The following ADK variants were observed in gnomAD, a reference collection of about 807,000 sequenced individuals.
ADK encodes the protein N6,N6-dimethyladenosine kinase.
Under a neutral mutation model 44.7 loss-of-function variants are expected in ADK, and 24 were observed. The ratio of observed to expected loss-of-function variants is 0.54; its 90% CI spans 0.39 to 0.76. The LOEUF (loss-of-function observed/expected upper bound fraction) is 0.76, where lower values mean the gene tolerates loss of function less well. Among genes scored for constraint, ADK ranks in the 30% least tolerant of loss-of-function variants. ADK has a pLI of 0.00. For missense variants in ADK, 321 were observed against 425.1 expected (o/e 0.76, Z 2.15); for synonymous variants, 128 against 142.6 (o/e 0.90, Z 0.73).
At chr10:74,699,013 A>AT (rs529911090) in intron 10 of ADK, among the ~76,000 whole-genome samples, 14,359 of 139,984 alleles carry the variant, frequency 0.1, 1,328 homozygotes, top group African/African-American at 0.24. Flanking sequence ...CGCCCAGCTA[A>AT]TTTTTTTTTT....
intron 4 of ADK, among the ~76,000 whole-genome samples, chr10:74,360,018 C>G (rs1305368945): frequency 6.6e-6 from 1 of 152,064 alleles, no homozygotes; most frequent in Admixed American, 6.6e-5. Context: ...AATTCACTTA[C>G]CAGTTCTAAT....
At chr10:74,421,810 G>C (rs1844565755) in intron 6 of ADK, among the ~76,000 whole-genome samples, 2 of 152,174 alleles carry the variant, frequency 1.3e-5, no homozygotes, top group South Asian at 4.1e-4. Context: ...AGAACTCCGA[G>C]TGGCCGTAGC....
intron 4 of ADK, among the ~76,000 whole-genome samples, chr10:74,330,751 A>G (rs1168668538): frequency 6.6e-6 from 1 of 152,180 alleles, no homozygotes; most frequent in African/African-American, 2.4e-5. Flanking sequence ...TGGCCTTGTG[A>G]GTGCAGCCAG....
chr10:74,708,811 G>T lies in ADK; in HGVS notation c.*366G>T. On this transcript the variant is annotated 3_prime_UTR_variant, in exon 11 of 11. Coordinates refer to ENST00000539909, the MANE Select transcript of ADK (RefSeq NM_006721.4). ...AATGCAGATGCAATTTAATATAATA[G>T]ATTTTTTAATGAATTAATCTTAACA... 3 of 224,450 alleles carry T rather than the reference G, an allele frequency of 1.3e-5. No homozygotes were observed. Among genetic ancestry groups the T allele is most frequent in the East Asian group, 2.4e-4 (2 of 8,234 alleles). 13.9% of individuals were successfully genotyped at this position (224,450 alleles called of 1,614,324 possible).
intron 7 of ADK, among the ~76,000 whole-genome samples, chr10:74,548,008 G>A (rs1375952470): frequency 6.6e-6 from 1 of 150,408 alleles, no homozygotes; most frequent in Non-Finnish European, 1.5e-5. Context: ...TGGCCATGAC[G>A]GTCTCGATCT....
At chr10:74,176,516 C>T in intron 1 of ADK, 1 of 1,221,858 alleles carries the variant, frequency 8.2e-7, no homozygotes. Flanking sequence ...GGCACCCAAT[C>T]TCTCGCCCTG....
At chr10:74,280,962 G>T (rs1846911789) in intron 3 of ADK, among the ~76,000 whole-genome samples, 1 of 152,042 alleles carries the variant, frequency 6.6e-6, no homozygotes, top group African/African-American at 2.4e-5. Context: ...GATATTAAGG[G>T]TTACAAAAAG....
At chr10:74,599,425 ATTTG>A (rs372332216) in intron 8 of ADK, among the ~76,000 whole-genome samples, 7 of 152,044 alleles carry the variant, frequency 4.6e-5, no homozygotes, top group African/African-American at 1.7e-4. Flanking sequence ...CATATATTCT[ATTTG>A]TTCTCTTATA....
intron 1 of ADK, chr10:74,176,961 T>G: frequency 6.3e-7 from 1 of 1,585,798 alleles, no homozygotes; most frequent in Non-Finnish European, 8.6e-7. Flanking sequence ...CTGTCGCTCC[T>G]TCTCGCGGGT....
intron 3 of ADK, among the ~76,000 whole-genome samples, chr10:74,229,120 A>C (rs1844653166): frequency 6.6e-6 from 1 of 152,188 alleles, no homozygotes; most frequent in Admixed American, 6.5e-5. Context: ...TAAATTTTTA[A>C]ATGTTGTCTT....
intron 4 of ADK, among the ~76,000 whole-genome samples, chr10:74,356,002 ATTTTTTTTTTT>A (rs34454856): frequency 3.6e-5 from 3 of 83,310 alleles, no homozygotes; most frequent in African/African-American, 1.5e-4. Flanking sequence ...TAAATAATTC[ATTTTTTTTTTT>A]TTTTTTTTTT....
chr10:74,204,159 G>T (rs1341858646), intron 2 of ADK, among the ~76,000 whole-genome samples: 3 of 151,944 alleles, frequency 2.0e-5, no homozygotes, highest in Non-Finnish European at 2.9e-5. Flanking sequence ...GTTTCACCAT[G>T]TTGGTCAGGC....
intron 4 of ADK, among the ~76,000 whole-genome samples, chr10:74,390,761 C>A (rs1307572450): frequency 6.6e-6 from 1 of 152,166 alleles, no homozygotes; most frequent in African/African-American, 2.4e-5. Context: ...TTGGTTAAGG[C>A]ATTTTCTTCA....
At chr10:74,668,490 A>C (rs1269764837) in intron 9 of ADK, among the ~76,000 whole-genome samples, 1 of 152,250 alleles carries the variant, frequency 6.6e-6, no homozygotes, top group Non-Finnish European at 1.5e-5. Context: ...TAATCCCAGC[A>C]CTTTGGGAGG....
At chr10:74,237,222 A>G (rs1359026239) in intron 3 of ADK, among the ~76,000 whole-genome samples, 2 of 152,224 alleles carry the variant, frequency 1.3e-5, no homozygotes, top group African/African-American at 2.4e-5. Flanking sequence ...GGAATATTCA[A>G]AATTCTTTGT....
At chr10:74,659,092 G>T (rs906512641) in intron 9 of ADK, among the ~76,000 whole-genome samples, 1 of 152,096 alleles carries the variant, frequency 6.6e-6, no homozygotes, top group Non-Finnish European at 1.5e-5. Flanking sequence ...GGTGGCGCAT[G>T]CCTGTGGTCC....
chr10:74,318,426 T>C (rs186276131), intron 4 of ADK, among the ~76,000 whole-genome samples: 135 of 152,298 alleles, frequency 8.9e-4, no homozygotes, highest in African/African-American at 3.2e-3. Flanking sequence ...CCTCCCAAAG[T>C]GCGAGGATTA....
At chr10:74,513,102 C>T (rs182161871) in intron 6 of ADK, among the ~76,000 whole-genome samples, 7 of 152,026 alleles carry the variant, frequency 4.6e-5, no homozygotes, top group South Asian at 2.1e-4. Flanking sequence ...TCTAAGTTTA[C>T]GCCATTGTGT....
chr10:74,558,480 A>G (rs1434400995), intron 7 of ADK, among the ~76,000 whole-genome samples: 4 of 152,146 alleles, frequency 2.6e-5, no homozygotes, highest in African/African-American at 9.7e-5. Flanking sequence ...AAATTCTCTC[A>G]AGATCTGATA....
Sources: allele counts gnomAD v4.1 joint callset (sites outside exome capture counted in the v4.1 genomes callset), GRCh38; gene constraint gnomAD v4.1.1; transcripts MANE v1.5; gene names NCBI Gene and HGNC (gene_info 2026-07-23, HGNC 2026-07-21).